Variants in TRHDE observed in about 807,000 individuals in gnomAD.
TRHDE encodes the protein thyrotropin releasing hormone degrading enzyme.
A neutral mutation model predicts 125.7 loss-of-function variants in TRHDE; 72 were observed. That is an observed-to-expected ratio of 0.57 (90% CI 0.47 to 0.70). The LOEUF (loss-of-function observed/expected upper bound fraction) is 0.70. TRHDE is among the 30% of genes least tolerant of loss of function. TRHDE has a pLI of 0.00. For missense variants in TRHDE, 1,110 were observed against 1,327.1 expected, an observed-to-expected ratio of 0.84 and a Z score of 2.54; for synonymous variants, 509 against 509.1, an observed-to-expected ratio of 1.00 and a Z score of 0.00.
chr12:72,502,724 T>G (rs1878207729), intron 6 of TRHDE, among the ~76,000 whole-genome samples: 1 of 152,190 alleles, frequency 6.6e-6, no homozygotes. Context: ...TTCTGTCCAC[T>G]TATTCATCAT....
rs555409504 is a variant in TRHDE at position 72,206,692 on chromosome 12, T to A, written n.279+100940T>A. On this transcript the variant is annotated intron_variant and non_coding_transcript_variant, in intron 2 of 4. Coordinates refer to the TRHDE transcript ENST00000548156. ...TATCCCTTTTCCCATGGAATTCTAT[T>A]TTGTTGGGGTAATTATTCTATTACT... Among the ~76,000 whole-genome samples the A allele has an allele frequency of 3.3e-5, 5 of 152,244 alleles. No individual in the cohort carries two copies. In the South Asian group the frequency reaches 1.0e-3, roughly 32 times the overall value.
chr12:72,349,822 T>A (rs1870501377), intron 2 of TRHDE, among the ~76,000 whole-genome samples: 1 of 152,038 alleles, frequency 6.6e-6, no homozygotes. Context: ...AATATATAAC[T>A]ATAAATGAGT....
chr12:72,295,698 C>T (rs899907472), intron 2 of TRHDE, among the ~76,000 whole-genome samples: 2 of 152,070 alleles, frequency 1.3e-5, no homozygotes, highest in African/African-American at 4.8e-5. Flanking sequence ...ACACAGGACT[C>T]TTCTGTGAAG....
At chr12:72,130,105 G>A (rs1875826343) in intron 2 of TRHDE, among the ~76,000 whole-genome samples, 1 of 152,100 alleles carries the variant, frequency 6.6e-6, no homozygotes, top group Admixed American at 6.6e-5. Context: ...TTTGAGACCA[G>A]CCTGGCCAAC....
intron 10 of TRHDE, among the ~76,000 whole-genome samples, chr12:72,569,287 G>A (rs955015121): frequency 6.6e-6 from 1 of 152,194 alleles, no homozygotes; most frequent in African/African-American, 2.4e-5. Flanking sequence ...TCTACAGTGT[G>A]AAACAGGTCC....
chr12:72,166,750 A>G (rs1392864842), intron 2 of TRHDE, among the ~76,000 whole-genome samples: 1 of 152,208 alleles, frequency 6.6e-6, no homozygotes, highest in African/African-American at 2.4e-5. Context: ...GACATGGGGC[A>G]TGAGCTGGAA....
chr12:72,663,197 A>G lies in TRHDE; in HGVS notation c.*2A>G. 6.3e-7 allele frequency: 1 copy of G among 1,596,350 alleles called. No individual in the cohort carries two copies. Among genetic ancestry groups the G allele is most frequent in the Non-Finnish European group, 8.5e-7 (1 of 1,172,202 alleles). On this transcript the variant is annotated 3_prime_UTR_variant, in exon 19 of 19. Coordinates refer to ENST00000261180, the MANE Select transcript of TRHDE (RefSeq NM_013381.3). ...TTAGGAAAAGCTCTAAGACACTAAT[A>G]TATGTATCTTATAAACAAACAATTC... is the stretch of plus-strand genomic sequence containing the variant.
At chr12:72,227,426 G>A (rs1239447726) in intron 2 of TRHDE, among the ~76,000 whole-genome samples, 1 of 152,052 alleles carries the variant, frequency 6.6e-6, no homozygotes, top group Non-Finnish European at 1.5e-5. Context: ...ACTATCACAA[G>A]AACAGCATGG....
chr12:72,610,093 A>G (rs1872579270), intron 12 of TRHDE, among the ~76,000 whole-genome samples: 1 of 152,076 alleles, frequency 6.6e-6, no homozygotes, highest in Non-Finnish European at 1.5e-5. Context: ...AAAGTGGAAT[A>G]TACACCTTCC....
intron 12 of TRHDE, chr12:72,610,868 T>A (rs1010729652): frequency 1.7e-4 from 26 of 152,404 alleles, no homozygotes; most frequent in African/African-American, 6.3e-4. Flanking sequence ...GGAACTGGCA[T>A]TGGAGCATGC....
chr12:72,100,802 G>T (rs564949080), intron 1 of TRHDE, among the ~76,000 whole-genome samples: 1 of 152,230 alleles, frequency 6.6e-6, no homozygotes, highest in Non-Finnish European at 1.5e-5. Context: ...TAAATCATTA[G>T]CTGGGTCATT....
At chr12:72,260,078 G>GTATTCC (rs1565675157) in intron 2 of TRHDE, among the ~76,000 whole-genome samples, 1 of 152,146 alleles carries the variant, frequency 6.6e-6, no homozygotes, top group Non-Finnish European at 1.5e-5. Context: ...GCACGTTGCT[G>GTATTCC]TATAGGAAGG....
intron 12 of TRHDE, among the ~76,000 whole-genome samples, chr12:72,588,733 G>A (rs1288642009): frequency 6.6e-6 from 1 of 152,070 alleles, no homozygotes; most frequent in African/African-American, 2.4e-5. Flanking sequence ...TGATACTATG[G>A]CTATTTACCT....
In TRHDE at chr12:72,517,082, C is replaced by A. The variant is rs1242792396; in HGVS notation, c.1722+17447C>A. Among the ~76,000 whole-genome samples, 3 of 151,794 alleles carry A rather than the reference C, an allele frequency of 2.0e-5. No homozygotes were observed. In the East Asian group the frequency reaches 5.8e-4, roughly 29 times the overall value. On this transcript the variant is annotated intron_variant, in intron 6 of 18. Transcript: ENST00000261180. ...TGAGTATTTTGGCATCAATGTTCAT[C>A]AAGGATATTGGTCTAAAATTCTCTT... is the stretch of plus-strand genomic sequence containing the variant.
intron 9 of TRHDE, among the ~76,000 whole-genome samples, chr12:72,564,662 T>TTTTA (rs1236392954): frequency 4.5e-5 from 3 of 66,214 alleles, no homozygotes; most frequent in African/African-American, 9.9e-5. Flanking sequence ...AATTTTTTTT[T>TTTTA]TTTTTTTTTT....
intron 17 of TRHDE, among the ~76,000 whole-genome samples, chr12:72,656,591 A>G (rs1395665506): frequency 6.6e-6 from 1 of 152,086 alleles, no homozygotes; most frequent in African/African-American, 2.4e-5. Flanking sequence ...TTTGTAATTG[A>G]AAGTTTTAAA....
chr12:72,516,219 G>A (rs1034594186), intron 6 of TRHDE, among the ~76,000 whole-genome samples: 7 of 151,436 alleles, frequency 4.6e-5, no homozygotes, highest in South Asian at 2.1e-4. Flanking sequence ...CATTGAATCT[G>A]TAAATTACCT....
intron 6 of TRHDE, among the ~76,000 whole-genome samples, chr12:72,506,654 A>C (rs1878367583): frequency 6.6e-6 from 1 of 152,160 alleles, no homozygotes; most frequent in Non-Finnish European, 1.5e-5. Context: ...CTGAGCTCTT[A>C]TCTACAAAGT....
intron 2 of TRHDE, among the ~76,000 whole-genome samples, chr12:72,139,796 C>T (rs775618423): frequency 1.3e-5 from 2 of 152,048 alleles, no homozygotes; most frequent in Admixed American, 6.5e-5. Flanking sequence ...CCCCTCTTCT[C>T]GGTCAAGGGC....
Sources: allele counts gnomAD v4.1 joint callset (sites outside exome capture counted in the v4.1 genomes callset), GRCh38; gene constraint gnomAD v4.1.1; transcripts MANE v1.5; gene names NCBI Gene and HGNC (gene_info 2026-07-23, HGNC 2026-07-21).